Variants in FRMD5 observed in about 807,000 individuals in gnomAD.
The protein encoded by FRMD5 is FERM domain containing 5.
A neutral mutation model predicts 69.0 loss-of-function variants in FRMD5; 20 were observed. The ratio of observed to expected loss-of-function variants is 0.29; its 90% CI spans 0.20 to 0.42. FRMD5 has a LOEUF of 0.42. FRMD5 is among the 10% of genes least tolerant of loss of function. The probability of loss-of-function intolerance (pLI) is 1.00; values close to 1 mark genes in which losing one functional copy is unlikely to be tolerated. For synonymous variants in FRMD5, 271 were observed against 260.1 expected, an observed-to-expected ratio of 1.04 and a Z score of -0.40; for missense variants, 595 against 708.6, an observed-to-expected ratio of 0.84 and a Z score of 1.82.
intron 1 of FRMD5, among the ~76,000 whole-genome samples, chr15:44,133,244 G>C (rs1220479693): frequency 1.3e-5 from 2 of 150,784 alleles, no homozygotes; most frequent in Non-Finnish European, 3.0e-5. Context: ...ACAAAAAAAT[G>C]ATTAAAATGG....
intron 1 of FRMD5, among the ~76,000 whole-genome samples, chr15:44,010,268 A>G (rs988551582): frequency 6.6e-5 from 10 of 152,346 alleles, no homozygotes; most frequent in African/African-American, 2.4e-4. Context: ...CACAGCAGAA[A>G]ACCCAAGTGG....
chr15:44,071,925 G>T (rs1341234175), intron 1 of FRMD5, among the ~76,000 whole-genome samples: 2 of 152,152 alleles, frequency 1.3e-5, no homozygotes, highest in African/African-American at 2.4e-5. Context: ...GAGTGGAGTG[G>T]TGCAATCTCG....
At chr15:44,072,800 G>A (rs1394167142) in intron 1 of FRMD5, among the ~76,000 whole-genome samples, 2 of 152,072 alleles carry the variant, frequency 1.3e-5, no homozygotes, top group Non-Finnish European at 2.9e-5. Context: ...AAAACAAACT[G>A]TGTTTTCCAT....
intron 1 of FRMD5, among the ~76,000 whole-genome samples, chr15:43,944,972 T>C (rs2089921232): frequency 1.3e-5 from 2 of 149,008 alleles, no homozygotes. Context: ...TTTTTTTTGA[T>C]AGAGGGGGGG....
chr15:43,996,429 C>T (rs1451362398), intron 1 of FRMD5, among the ~76,000 whole-genome samples: 4 of 152,136 alleles, frequency 2.6e-5, no homozygotes, highest in Non-Finnish European at 4.4e-5. Context: ...GGAAGTGTGA[C>T]GAGGGTAACG....
intron 1 of FRMD5, among the ~76,000 whole-genome samples, chr15:44,159,348 T>C (rs1409623311): frequency 6.6e-6 from 1 of 152,020 alleles, no homozygotes; most frequent in Non-Finnish European, 1.5e-5. Flanking sequence ...GGCTAGACCA[T>C]AAAGGGCTTT....
intron 1 of FRMD5, among the ~76,000 whole-genome samples, chr15:44,138,654 C>T (rs1014953111): frequency 2.0e-5 from 3 of 152,136 alleles, no homozygotes; most frequent in African/African-American, 7.2e-5. Context: ...ATAGAATATA[C>T]TTCAGAAAGA....
upstream of FRMD5, among the ~76,000 whole-genome samples, chr15:44,196,752 T>TTC (rs779388784): frequency 0.19 from 13,666 of 71,750 alleles, 1,893 homozygotes; most frequent in African/African-American, 0.46. Flanking sequence ...CTCTCTCTCT[T>TTC]TCTCTCTCTC....
At chr15:43,970,981 G>A (rs562996574) in intron 1 of FRMD5, among the ~76,000 whole-genome samples, 2 of 152,092 alleles carry the variant, frequency 1.3e-5, no homozygotes, top group Non-Finnish European at 2.9e-5. Context: ...CAGGTGTGGT[G>A]GTTCACACCT....
chr15:43,999,967 T>TATATTCCATGC (rs55916455), intron 1 of FRMD5, among the ~76,000 whole-genome samples: 1 of 42,022 alleles, frequency 2.4e-5, no homozygotes, highest in African/African-American at 6.5e-5. Flanking sequence ...TATATATATA[T>TATATTCCATGC]ATATATATAT....
intron 1 of FRMD5, among the ~76,000 whole-genome samples, chr15:44,026,868 T>C (rs1168604297): frequency 6.6e-6 from 1 of 152,246 alleles, no homozygotes; most frequent in South Asian, 2.1e-4. Flanking sequence ...ATGATCACTG[T>C]GGGATCAACA....
intron 1 of FRMD5, among the ~76,000 whole-genome samples, chr15:44,134,866 G>A (rs1013925406): frequency 1.1e-4 from 16 of 152,182 alleles, no homozygotes; most frequent in South Asian, 6.2e-4. Context: ...AAGCTGAGGC[G>A]ATAGCAAATG....
intron 1 of FRMD5, among the ~76,000 whole-genome samples, chr15:44,161,881 T>C (rs1272275466): frequency 6.6e-6 from 1 of 152,244 alleles, no homozygotes; most frequent in Non-Finnish European, 1.5e-5. Context: ...TGAACTGCCA[T>C]CTTTATGAGC....
chr15:43,972,683 G>T (rs2090400224), intron 1 of FRMD5, among the ~76,000 whole-genome samples: 1 of 152,078 alleles, frequency 6.6e-6, no homozygotes, highest in Admixed American at 6.5e-5. Context: ...CTAATCTCAG[G>T]GCTATGGTTT....
At chr15:44,063,841 C>A (rs909723909) in intron 1 of FRMD5, 1 of 280,524 alleles carries the variant, frequency 3.6e-6, no homozygotes, top group Non-Finnish European at 6.9e-6. Context: ...GGCTGGGACT[C>A]ATTTAGACGG....
intron 1 of FRMD5, among the ~76,000 whole-genome samples, chr15:43,974,366 A>G (rs898832231): frequency 6.6e-6 from 1 of 152,038 alleles, no homozygotes; most frequent in Non-Finnish European, 1.5e-5. Flanking sequence ...CCCTTTTTGG[A>G]CTCCTATCCA....
chr15:44,068,235 C>G (rs1407403254), intron 1 of FRMD5, among the ~76,000 whole-genome samples: 4 of 152,162 alleles, frequency 2.6e-5, no homozygotes, highest in Non-Finnish European at 5.9e-5. Flanking sequence ...CAATTAATTT[C>G]ATTCCTATAT....
At chr15:44,077,028 T>C (rs1277333511) in intron 1 of FRMD5, among the ~76,000 whole-genome samples, 1 of 152,034 alleles carries the variant, frequency 6.6e-6, no homozygotes, top group African/African-American at 2.4e-5. Context: ...AATGTTGTGA[T>C]GTCTGAAATA....
rs987976238 is a variant in FRMD5, at chr15:43,910,108, A to G, written c.330-129T>C. The stretch of plus-strand genomic sequence containing the variant: ...CTACATTAAAAAAAAATCCTAAAAC[A>G]TAATGTAGAACAAATACATTCTCCA... On this transcript the variant is annotated intron_variant, in intron 4 of 13. Transcript: ENST00000417257. The G allele has an allele frequency of 5.5e-5, 29 of 531,674 alleles. No individual in the cohort carries two copies. The East Asian group carries it at 5.6e-4, about 10-fold the overall frequency. 32.9% of individuals were successfully genotyped at this position (531,674 alleles called of 1,614,324 possible). A position where few individuals can be genotyped will look rare whatever the true frequency, so the allele number is the denominator to read the frequency against.
Sources: allele counts gnomAD v4.1 joint callset (sites outside exome capture counted in the v4.1 genomes callset), GRCh38; gene constraint gnomAD v4.1.1; transcripts MANE v1.5; gene names NCBI Gene and HGNC (gene_info 2026-07-23, HGNC 2026-07-21).